SLC39A11: variants seen among roughly 807,000 people sequenced by gnomAD.
SLC39A11 encodes the protein solute carrier family 39 member 11, also known as zinc transporter ZIP11.
In SLC39A11, 33 loss-of-function variants were observed where a neutral mutation model predicts 36.1. The ratio of observed to expected loss-of-function variants is 0.91; its 90% CI spans 0.69 to 1.22. The LOEUF is 1.22. SLC39A11 is among the 50% of genes most tolerant of loss of function. SLC39A11 has a pLI of 0.00. For missense variants in SLC39A11, 432 were observed against 430.3 expected (o/e 1.00, Z -0.03); for synonymous variants, 166 against 170.3 (o/e 0.97, Z 0.20).
At chr17:72,736,832 A>G (rs1324356098) in intron 6 of SLC39A11, 113 bp from the exon 7 acceptor site, 1 of 909,662 alleles carries the variant, frequency 1.1e-6, no homozygotes, top group Non-Finnish European at 1.8e-6. Context: ...GTCAAAGAAA[A>G]TCATCGTAAC....
intron 7 of SLC39A11, among the ~76,000 whole-genome samples, chr17:72,689,221 A>G (rs1303932685): frequency 6.6e-6 from 1 of 152,246 alleles, no homozygotes; most frequent in East Asian, 1.9e-4. Context: ...TTCTAAATGC[A>G]GTCGAGAAGA....
At chr17:72,867,499 C>T (rs983563306) in intron 5 of SLC39A11, among the ~76,000 whole-genome samples, 2 of 151,908 alleles carry the variant, frequency 1.3e-5, no homozygotes, top group Admixed American at 1.3e-4. Flanking sequence ...GCCTCCATCT[C>T]AATAAACAAA....
chr17:72,860,392 T>A lies in SLC39A11; in HGVS notation c.431-10588A>T, dbSNP rs937827816. 1.3e-3 allele frequency among the ~76,000 whole-genome samples: 191 copies of A among 152,344 alleles called. 1 individual carries two copies. Among genetic ancestry groups the A allele is most frequent in the African/African-American group, 4.3e-3 (177 of 41,580 alleles). Reference sequence around the variant, plus strand: ...CTTCTGAATGTTCATTCTGTGTGTGTATGTGTGCGAGACAGAATATACACA... The same window carrying A: ...CTTCTGAATGTTCATTCTGTGTGTGAATGTGTGCGAGACAGAATATACACA... On this transcript the variant is annotated intron_variant, in intron 5 of 9. Coordinates refer to ENST00000255559, the MANE Select transcript of SLC39A11 (RefSeq NM_139177.4).
intron 5 of SLC39A11, among the ~76,000 whole-genome samples, chr17:72,929,260 C>T (rs1461512528): frequency 6.6e-6 from 1 of 152,184 alleles, no homozygotes; most frequent in Non-Finnish European, 1.5e-5. Context: ...CTGCCCCATG[C>T]ACACATTGAC....
intron 6 of SLC39A11, among the ~76,000 whole-genome samples, chr17:72,844,856 C>A (rs1033891368): frequency 2.6e-5 from 4 of 152,142 alleles, no homozygotes; most frequent in Non-Finnish European, 5.9e-5. Context: ...CCCCCTAAAG[C>A]CCCTGGAGCT....
At chr17:72,985,056 G>A (rs2088613752) in intron 4 of SLC39A11, among the ~76,000 whole-genome samples, 1 of 152,202 alleles carries the variant, frequency 6.6e-6, no homozygotes, top group Non-Finnish European at 1.5e-5. Flanking sequence ...GGCCCAGCCG[G>A]GCTAGAGGCA....
intron 3 of SLC39A11, among the ~76,000 whole-genome samples, chr17:73,042,942 G>A (rs1038272442): frequency 3.3e-5 from 5 of 152,144 alleles, no homozygotes; most frequent in African/African-American, 4.8e-5. Flanking sequence ...ACTGTTACAC[G>A]GCCAACACTC....
chr17:72,874,034 G>A (rs773418256), intron 5 of SLC39A11, among the ~76,000 whole-genome samples: 2 of 152,126 alleles, frequency 1.3e-5, no homozygotes, highest in Non-Finnish European at 2.9e-5. Flanking sequence ...CCCCAGGCAC[G>A]CTGAACTGTG....
chr17:72,729,910 G>C (rs1470215654), intron 7 of SLC39A11, among the ~76,000 whole-genome samples: 1 of 151,954 alleles, frequency 6.6e-6, no homozygotes, highest in Non-Finnish European at 1.5e-5. Flanking sequence ...CTTAACTGTC[G>C]ATTAATAAAT....
intron 5 of SLC39A11, among the ~76,000 whole-genome samples, chr17:72,852,233 A>AAAAAAAAAAAC: frequency 6.7e-6 from 1 of 149,652 alleles, no homozygotes; most frequent in Admixed American, 6.7e-5. Context: ...AAAAAACAGA[A>AAAAAAAAAAAC]AGAAAGAAAG....
Position 72,647,502 on chromosome 17 carries a change from A to G in SLC39A11, c.*82T>C, listed in dbSNP as rs1183912596. On this transcript the variant is annotated 3_prime_UTR_variant, in exon 10 of 10. Coordinates refer to ENST00000255559, the MANE Select transcript of SLC39A11 (RefSeq NM_139177.4). ...AGGAAGGAAAAAAGTTTTAATGTGA[A>G]GAAAGAAGCTTGTTGTCCCATAGAA... 7 of 1,167,426 alleles carry G rather than the reference A, an allele frequency of 6.0e-6. No individual in the cohort carries two copies. Among genetic ancestry groups the G allele is most frequent in the Non-Finnish European group, 8.6e-6 (7 of 811,364 alleles). The allele number at this position is 1,167,426 out of a possible 1,614,324, so 72.3% of individuals were successfully genotyped here.
intron 3 of SLC39A11, among the ~76,000 whole-genome samples, chr17:73,055,467 A>T (rs2059635177): frequency 6.6e-6 from 1 of 151,198 alleles, no homozygotes; most frequent in Non-Finnish European, 1.5e-5. Flanking sequence ...GGTCTCACTC[A>T]GTTGCCCAGG....
intron 7 of SLC39A11, among the ~76,000 whole-genome samples, chr17:72,681,689 T>G (rs979809548): frequency 1.3e-5 from 2 of 152,150 alleles, no homozygotes; most frequent in African/African-American, 4.8e-5. Flanking sequence ...TACATGTGGA[T>G]TTTCTTCTGT....
intron 6 of SLC39A11, among the ~76,000 whole-genome samples, chr17:72,791,613 G>C (rs1440135704): frequency 1.3e-5 from 2 of 152,154 alleles, no homozygotes; most frequent in African/African-American, 4.8e-5. Context: ...CTGTGATAAA[G>C]GTACTGATAT....
intron 7 of SLC39A11, among the ~76,000 whole-genome samples, chr17:72,659,574 C>CT (rs34383683): frequency 0.44 from 27,003 of 61,594 alleles, 6,288 homozygotes; most frequent in South Asian, 0.55. Context: ...CTCTGTGACT[C>CT]TTTTTTTTTT....
intron 4 of SLC39A11, among the ~76,000 whole-genome samples, chr17:72,985,352 A>G (rs2088643973): frequency 6.8e-6 from 1 of 146,500 alleles, no homozygotes; most frequent in African/African-American, 2.6e-5. Context: ...ATCAGGTATT[A>G]CCCACTTGTG....
chr17:72,649,707 G>C (rs373965684), intron 7 of SLC39A11, among the ~76,000 whole-genome samples: 3 of 143,668 alleles, frequency 2.1e-5, no homozygotes, highest in African/African-American at 7.9e-5. Flanking sequence ...GCAGTGGCAT[G>C]ATCTCGGCTC....
chr17:72,907,541 T>A (rs961543441), intron 5 of SLC39A11, among the ~76,000 whole-genome samples: 6 of 152,134 alleles, frequency 3.9e-5, no homozygotes, highest in African/African-American at 1.4e-4. Context: ...GAAGATGGTA[T>A]GAGACCTCCT....
At chr17:72,936,873 G>A (rs2084805512) in intron 5 of SLC39A11, among the ~76,000 whole-genome samples, 1 of 152,220 alleles carries the variant, frequency 6.6e-6, no homozygotes, top group South Asian at 2.1e-4. Context: ...TCTCGCTCCT[G>A]TGAGAATCTA....
Sources: allele counts gnomAD v4.1 joint callset (sites outside exome capture counted in the v4.1 genomes callset), GRCh38; gene constraint gnomAD v4.1.1; transcripts MANE v1.5; gene names NCBI Gene and HGNC (gene_info 2026-07-23, HGNC 2026-07-21).